USP13: variants seen among roughly 807,000 people sequenced by gnomAD.
USP13 encodes ubiquitin specific peptidase 13, also known as ubiquitin carboxyl-terminal hydrolase 13.
Under a neutral mutation model 107.8 loss-of-function variants are expected in USP13, and 68 were observed. The observed-to-expected ratio is 0.63, with a 90% CI of 0.52 to 0.77. The LOEUF is 0.77. Ranked by LOEUF, USP13 falls within the 30% of genes least tolerant of loss-of-function variation. The probability of loss-of-function intolerance (pLI) is 0.00; values close to 1 mark genes in which losing one functional copy is unlikely to be tolerated. For synonymous variants in USP13, 377 were observed against 389.5 expected (o/e 0.97, Z 0.38); for missense variants, 945 against 1,093.3 (o/e 0.86, Z 1.91).
At chr3:179,706,663 A>C (rs1362721623) in intron 4 of USP13, among the ~76,000 whole-genome samples, 1 of 152,178 alleles carries the variant, frequency 6.6e-6, no homozygotes, top group Non-Finnish European at 1.5e-5. Context: ...AGTGGTAGGA[A>C]TTGTTAAATC....
intron 5 of USP13, among the ~76,000 whole-genome samples, chr3:179,708,439 CTGGGATT>C (rs3831867): frequency 0.7 from 106,102 of 151,172 alleles, 37,600 homozygotes; most frequent in Admixed American, 0.76. Context: ...TCCCGAGTAG[CTGGGATT>C]TGGGATTACA....
At chr3:179,716,638 T>C (rs1247773446) in intron 6 of USP13, among the ~76,000 whole-genome samples, 1 of 152,212 alleles carries the variant, frequency 6.6e-6, no homozygotes, top group Non-Finnish European at 1.5e-5. Flanking sequence ...TTTTAATCTC[T>C]GGGAATTACT....
At chr3:179,700,307 C>T (rs1012051677) in intron 3 of USP13, among the ~76,000 whole-genome samples, 3 of 152,148 alleles carry the variant, frequency 2.0e-5, no homozygotes, top group African/African-American at 7.2e-5. Context: ...AATAACTCAA[C>T]ACTTTAAGAG....
intron 3 of USP13, among the ~76,000 whole-genome samples, chr3:179,691,167 T>TAAA (rs57267808): frequency 7.1e-6 from 1 of 140,100 alleles, no homozygotes; most frequent in African/African-American, 2.6e-5. Context: ...ATCCTGTCTT[T>TAAA]AAAAAAAAAA....
At chr3:179,745,251 A>C in intron 13 of USP13, 34 bp downstream of exon 13, 8 of 1,031,614 alleles carry the variant, frequency 7.8e-6, no homozygotes, top group Non-Finnish European at 1.1e-5. Context: ...CAGTGGGGTG[A>C]GGAGGGGCCT....
intron 13 of USP13, among the ~76,000 whole-genome samples, chr3:179,747,413 T>C (rs1247570541): frequency 6.6e-6 from 1 of 152,170 alleles, no homozygotes; most frequent in Non-Finnish European, 1.5e-5. Context: ...AGCTTCGAAA[T>C]CCCCAGCATC....
intron 8 of USP13, among the ~76,000 whole-genome samples, chr3:179,724,901 G>C (rs940758973): frequency 6.6e-6 from 1 of 152,174 alleles, no homozygotes; most frequent in African/African-American, 2.4e-5. Flanking sequence ...TCAGGTACCA[G>C]CAAAGTGAAC....
At chr3:179,759,277 A>G (rs1412368388) in intron 16 of USP13, among the ~76,000 whole-genome samples, 2 of 152,142 alleles carry the variant, frequency 1.3e-5, no homozygotes, top group Non-Finnish European at 2.9e-5. Flanking sequence ...CACCGCGCCC[A>G]GCCGGAATTA....
At chr3:179,724,037 G>A (rs1713424720) in intron 8 of USP13, among the ~76,000 whole-genome samples, 1 of 151,164 alleles carries the variant, frequency 6.6e-6, no homozygotes, top group Admixed American at 6.6e-5. Flanking sequence ...GTGCACACCT[G>A]TAGTCCCAGC....
intron 16 of USP13, 24 bp from the exon 17 acceptor site, chr3:179,761,088 A>G (rs1343079014): frequency 6.8e-6 from 11 of 1,613,966 alleles, no homozygotes; most frequent in Non-Finnish European, 8.5e-6. Flanking sequence ...CTTTCACACT[A>G]GAATATCCTG....
intron 10 of USP13, among the ~76,000 whole-genome samples, chr3:179,736,152 C>A (rs1713989682): frequency 6.6e-6 from 1 of 152,328 alleles, no homozygotes; most frequent in East Asian, 1.9e-4. Flanking sequence ...TCCAAGATAT[C>A]TTTCTAAAGT....
chr3:179,684,689 T>C (rs1392511779), intron 2 of USP13, among the ~76,000 whole-genome samples: 1 of 152,232 alleles, frequency 6.6e-6, no homozygotes, highest in Non-Finnish European at 1.5e-5. Flanking sequence ...TTGTGTTCTG[T>C]TGATCTTATT....
At chr3:179,778,988 G>C (rs1473628773) in intron 19 of USP13, among the ~76,000 whole-genome samples, 1 of 152,124 alleles carries the variant, frequency 6.6e-6, no homozygotes, top group Non-Finnish European at 1.5e-5. Flanking sequence ...TGAAAAAAGA[G>C]AGTTTCAGAA....
In USP13 at chr3:179,752,269, C is replaced by G; in HGVS notation, c.1710-16C>G. On this transcript the variant is annotated splice_polypyrimidine_tract_variant and intron_variant, in intron 13 of 20. Transcript: ENST00000263966. ...TATTGCCTTGTTTCATTGATATATCCCCTTGTGTTTCCCAGAACATCTCGC... is the reference window on the plus strand; with the variant it reads ...TATTGCCTTGTTTCATTGATATATCGCCTTGTGTTTCCCAGAACATCTCGC... 2 of 1,606,080 alleles carry G rather than the reference C, an allele frequency of 1.2e-6. No individual in the cohort carries two copies. The highest frequency in any genetic ancestry group is 1.7e-6 in the Non-Finnish European group (2 of 1,173,470).
At chr3:179,713,353 A>T (rs1307850119) in intron 6 of USP13, among the ~76,000 whole-genome samples, 3 of 152,246 alleles carry the variant, frequency 2.0e-5, no homozygotes, top group East Asian at 3.8e-4. Flanking sequence ...AGTTTATGGG[A>T]TGCATACATT....
At chr3:179,749,059 G>A (rs936194587) in intron 13 of USP13, among the ~76,000 whole-genome samples, 1 of 152,064 alleles carries the variant, frequency 6.6e-6, no homozygotes, top group African/African-American at 2.4e-5. Flanking sequence ...TGGATTAATG[G>A]TCATATTTTC....
intron 19 of USP13, among the ~76,000 whole-genome samples, chr3:179,780,662 A>G (rs1715714249): frequency 6.6e-6 from 1 of 152,138 alleles, no homozygotes; most frequent in Non-Finnish European, 1.5e-5. Context: ...AGTATTTGAG[A>G]ACGGAGGTCA....
In USP13 at chr3:179,707,141, T is replaced by C. The variant is rs1576940759; in HGVS notation, c.620+65T>C. The C allele has an allele frequency of 9.2e-6, 14 of 1,517,742 alleles. No individual in the cohort carries two copies. The East Asian group carries it at 3.3e-4, about 36-fold the overall frequency. The allele number at this position is 1,517,742 out of a possible 1,614,324, so 94.0% of individuals were successfully genotyped here. On this transcript the variant is annotated intron_variant, in intron 5 of 20. Transcript: ENST00000263966. ...ACTGTCCAAAGGAATATTTGTTTTC[T>C]ACTTCTTTTTTGAATAGGAAGTTAT...
intron 20 of USP13, among the ~76,000 whole-genome samples, chr3:179,782,898 A>T (rs991601618): frequency 6.6e-6 from 1 of 152,166 alleles, no homozygotes; most frequent in Non-Finnish European, 1.5e-5. Context: ...GGCATGTGCT[A>T]TCATGACTGG....
Sources: allele counts gnomAD v4.1 joint callset (sites outside exome capture counted in the v4.1 genomes callset), GRCh38; gene constraint gnomAD v4.1.1; transcripts MANE v1.5; gene names NCBI Gene and HGNC (gene_info 2026-07-23, HGNC 2026-07-21).